Variants in RERGL observed in about 807,000 individuals in gnomAD.
RERGL encodes the protein RERG like.
A neutral mutation model predicts 24.7 loss-of-function variants in RERGL; 22 were observed. That is an observed-to-expected ratio of 0.89 (90% CI 0.64 to 1.27). The LOEUF is 1.27. Among genes scored for constraint, RERGL ranks in the 50% most tolerant of loss-of-function variants. RERGL has a pLI of 0.00. For missense variants in RERGL, 259 were observed against 235.3 expected, an observed-to-expected ratio of 1.10 and a Z score of -0.66; for synonymous variants, 76 against 82.6, an observed-to-expected ratio of 0.92 and a Z score of 0.43.
intron 4 of RERGL, among the ~76,000 whole-genome samples, chr12:18,083,153 G>A (rs958558778): frequency 4.1e-4 from 63 of 151,980 alleles, no homozygotes; most frequent in African/African-American, 1.5e-3. Context: ...GGGTAAATGA[G>A]GAAGGATATA....
chr12:18,081,457 C>T lies in RERGL; in HGVS notation c.349G>A (p.Val117Met). ...SHCKRAVESA[V>M]FLVGNKRDLC... ...TCTCGTTTGTTGCCAACCAAAAACA[C>T]TGCTGATTCCACAGCTCTGAAATAG... Residue 117 changes from valine (V) to methionine (M), a missense_variant, in exon 5 of 5, where the codon GTG becomes ATG. By Grantham distance (21) the Val-to-Met change is conservative (BLOSUM62 1). Transcript: ENST00000538724. The T allele has an allele frequency of 6.2e-7, 1 of 1,608,922 alleles. No individual in the cohort carries two copies. Among genetic ancestry groups the T allele is most frequent in the Non-Finnish European group, 8.5e-7 (1 of 1,176,416 alleles).
chr12:18,080,897 T>A lies in RERGL; in HGVS notation c.*294A>T, dbSNP rs1330009017. The A allele has an allele frequency of 9.1e-6, 2 of 220,140 alleles. No homozygotes were observed. The highest frequency in any genetic ancestry group is 1.8e-5 in the Non-Finnish European group (2 of 111,446). The allele number at this position is 220,140 out of a possible 1,614,324, so 13.6% of individuals were successfully genotyped here. ...GGCATGGTCGTTTAATAAATTCACA[T>A]AAACAGAGTTTATTTGGCAAGGCAA... On this transcript the variant is annotated 3_prime_UTR_variant, in exon 5 of 5. Transcript: ENST00000538724.
chr12:18,084,622 GC>G lies in RERGL; in HGVS notation c.226del (p.Ala76GlnfsTer22). On this transcript the variant is annotated frameshift_variant, in exon 4 of 5. Transcript: ENST00000538724. LOFTEE classifies it high-confidence loss of function. Reference protein sequence around the residue: ...KFSLTSELHWADGFVIVYDIS... With the variant: ...KFSLTSELHWXDGFVIVYDIS... ...GTCATACACAATAACAAACCCATCT[GC>G]CCAGTGAAGCTCACTTGTGAGGGAG... The G allele has an allele frequency of 6.2e-7, 1 of 1,610,978 alleles. No individual in the cohort carries two copies. The highest frequency in any genetic ancestry group is 8.5e-7 in the Non-Finnish European group (1 of 1,178,884).
chr12:18,089,425 A>C, intron 1 of RERGL: 5 of 1,296,242 alleles, frequency 3.9e-6, no homozygotes, highest in Non-Finnish European at 4.9e-6. Flanking sequence ...TCTGGTATCC[A>C]TTCATCATGT....
At chr12:18,089,066 A>G in intron 1 of RERGL, 110 bp from the exon 2 acceptor site, 1 of 1,156,592 alleles carries the variant, frequency 8.6e-7, no homozygotes, top group Non-Finnish European at 1.3e-6. Flanking sequence ...AGAATTAATA[A>G]AGACTTTAAA....
In RERGL at chr12:18,081,237, G is replaced by A; in HGVS notation, c.569C>T (p.Ala190Val). ...KRRPSGSKSM[A>V]KLINNVFGKR... ...TCCAAATACATTATTGATCAATTTG[G>A]CCATTGATTTAGATCCACTGGGACG... Residue 190 changes from alanine to valine, a missense_variant, in exon 5 of 5, where the codon GCC becomes GTC. Transcript: ENST00000538724. 1 of 1,608,104 alleles carries A rather than the reference G, an allele frequency of 6.2e-7. No individual in the cohort carries two copies. Among genetic ancestry groups the A allele is most frequent in the Non-Finnish European group, 8.5e-7 (1 of 1,177,822 alleles).
At position 18,086,620 on chromosome 12, in the gene RERGL, C is replaced by CT. The variant is rs1178515479; in HGVS notation, c.110-928dup. Among the ~76,000 whole-genome samples, 5 of 152,006 alleles carry CT rather than the reference C, an allele frequency of 3.3e-5. No individual in the cohort carries two copies. In the East Asian group the frequency reaches 7.7e-4, roughly 23 times the overall value. On this transcript the variant is annotated intron_variant, in intron 2 of 4. Coordinates refer to ENST00000538724, the MANE Select transcript of RERGL (RefSeq NM_001286201.2). Reference sequence around the variant, plus strand: ...TAATTCCTTGTTGCTCCGTCTTAATCTTTTTTTGTTCACCTCTCCCCGCCC... The same window carrying CT: ...TAATTCCTTGTTGCTCCGTCTTAATCTTTTTTTTGTTCACCTCTCCCCGCCC...
chr12:18,083,512 T>C (rs1158680894), intron 4 of RERGL, among the ~76,000 whole-genome samples: 2 of 152,090 alleles, frequency 1.3e-5, no homozygotes, highest in Non-Finnish European at 2.9e-5. Context: ...TGAGGCACCT[T>C]AGTAAAATCA....
At chr12:18,084,016 C>T (rs116320235) in intron 4 of RERGL, among the ~76,000 whole-genome samples, 1 of 151,996 alleles carries the variant, frequency 6.6e-6, no homozygotes, top group East Asian at 1.9e-4. Context: ...GTTGATCAGC[C>T]CTTTAGGAGG....
intron 1 of RERGL, 29 bp downstream of exon 1, chr12:18,090,060 A>G (rs543741538): frequency 1.5e-5 from 22 of 1,512,746 alleles, no homozygotes; most frequent in Non-Finnish European, 1.9e-5. Context: ...TCTACACTCT[A>G]TGATAACAGA....
intron 2 of RERGL, 135 bp from the exon 3 acceptor site, chr12:18,085,828 G>C (rs1381992888): frequency 1.5e-5 from 6 of 405,626 alleles, no homozygotes; most frequent in Non-Finnish European, 2.7e-5. Context: ...TGTATTTGTT[G>C]TATTTACTCA....
At chr12:18,082,143 CAAAAA>C (rs529778796) in intron 4 of RERGL, among the ~76,000 whole-genome samples, 1 of 121,068 alleles carries the variant, frequency 8.3e-6, no homozygotes. Flanking sequence ...TTGTCTCAAC[CAAAAA>C]AAAAAAAAAA....
At chr12:18,090,003 T>TATGAAATA in intron 1 of RERGL, 86 bp downstream of exon 1, 1 of 877,286 alleles carries the variant, frequency 1.1e-6, no homozygotes, top group Non-Finnish European at 1.6e-6. Context: ...ATGAAATATA[T>TATGAAATA]ATGAAATACG....
chr12:18,081,529 A>T lies in RERGL; in HGVS notation c.333-56T>A, dbSNP rs559707984. ...ATTGTTTTAACAACTCTTTTTTTTA[A>T]AAAAAAAAAAAAAACAGATTTATAA... On this transcript the variant is annotated intron_variant, in intron 4 of 4. Transcript: ENST00000538724. 728 of 850,810 alleles carry T rather than the reference A, an allele frequency of 8.6e-4. 7 individuals carry two copies. In the African/African-American group the frequency reaches 9.8e-3, roughly 11 times the overall value. The allele number at this position is 850,810 out of a possible 1,614,324, so 52.7% of individuals were successfully genotyped here. A position where few individuals can be genotyped will look rare whatever the true frequency, so the allele number is the denominator to read the frequency against.
intron 4 of RERGL, among the ~76,000 whole-genome samples, chr12:18,083,624 T>C (rs973113226): frequency 1.6e-4 from 24 of 152,244 alleles, no homozygotes; most frequent in African/African-American, 5.8e-4. Context: ...AAAGCAAGAA[T>C]GTACATCATC....
chr12:18,086,550 G>T (rs1019650391), intron 2 of RERGL, among the ~76,000 whole-genome samples: 5 of 151,862 alleles, frequency 3.3e-5, no homozygotes, highest in African/African-American at 1.2e-4. Flanking sequence ...TTTCCTTTAC[G>T]TGACCTTCAA....
rs1947212546 is a variant in RERGL at position 18,085,677 on chromosome 12, C to T, written c.126G>A (p.Lys42=). 4 of 1,598,692 alleles carry T rather than the reference C, an allele frequency of 2.5e-6. No homozygotes were observed. The highest frequency in any genetic ancestry group is 2.2e-5 in the East Asian group (1 of 44,546). ...GTTGTTTCCTTTCCAAACACAAGTGCTTCTTATAGATAGATTCTGCAAAAA... is the reference window on the plus strand; with the variant it reads ...GTTGTTTCCTTTCCAAACACAAGTGTTTCTTATAGATAGATTCTGCAAAAA... ...YASNFESIYK[K]HLCLERKQLN... The change falls in exon 3 of 5, where the codon AAG becomes AAA. Residue 42 remains lysine, a synonymous_variant. Coordinates refer to ENST00000538724, the MANE Select transcript of RERGL (RefSeq NM_001286201.2).
In RERGL at chr12:18,080,953, G is replaced by A; in HGVS notation, c.*238C>T. Reference sequence around the variant, plus strand: ...GATCGCTGTCCGCCAGTAGGTTAGGGTGAGTGTGATGTTGTACAATAAATG... The same window carrying A: ...GATCGCTGTCCGCCAGTAGGTTAGGATGAGTGTGATGTTGTACAATAAATG... On this transcript the variant is annotated 3_prime_UTR_variant, in exon 5 of 5. Transcript: ENST00000538724. 1 of 338,740 alleles carries A rather than the reference G, an allele frequency of 3.0e-6. No individual in the cohort carries two copies. The allele number at this position is 338,740 out of a possible 1,614,324, so 21.0% of individuals were successfully genotyped here.
In RERGL at chr12:18,086,724, T is replaced by C. The variant is rs546150564; in HGVS notation, c.110-1031A>G. On this transcript the variant is annotated intron_variant, in intron 2 of 4. Transcript: ENST00000538724. Reference sequence around the variant, plus strand: ...CTTACATTCCTTTTCAGATCTCTTCTAGTCCCAGGCCTTTACATGCCAATT... The same window carrying C: ...CTTACATTCCTTTTCAGATCTCTTCCAGTCCCAGGCCTTTACATGCCAATT... Among the ~76,000 whole-genome samples, 7 of 152,284 alleles carry C rather than the reference T, an allele frequency of 4.6e-5. No homozygotes were observed. The East Asian group carries it at 1.4e-3, about 29-fold the overall frequency.
Sources: allele counts gnomAD v4.1 joint callset (sites outside exome capture counted in the v4.1 genomes callset), GRCh38; gene constraint gnomAD v4.1.1; transcripts MANE v1.5; gene names NCBI Gene and HGNC (gene_info 2026-07-23, HGNC 2026-07-21).